CATSPERE: variants seen among roughly 807,000 people sequenced by gnomAD.
CATSPERE encodes the protein cation channel sperm-associated auxiliary subunit epsilon.
A neutral mutation model predicts 114.1 loss-of-function variants in CATSPERE; 93 were observed. The ratio of observed to expected loss-of-function variants is 0.81; its 90% CI spans 0.69 to 0.97. The LOEUF is 0.97. Among genes scored for constraint, CATSPERE ranks in the 50% least tolerant of loss-of-function variants. The pLI, the probability that CATSPERE is intolerant of heterozygous loss-of-function variation, is 0.00. For synonymous variants in CATSPERE, 341 were observed against 384.1 expected (o/e 0.89, Z 1.31); for missense variants, 1,058 against 1,131.6 (o/e 0.93, Z 0.93).
chr1:244,585,908 G>A (rs1341032836), intron 13 of CATSPERE, among the ~76,000 whole-genome samples: 1 of 152,202 alleles, frequency 6.6e-6, no homozygotes, highest in Non-Finnish European at 1.5e-5. Context: ...AAATCCTTCC[G>A]AGATGAACTT....
At chr1:244,612,065 A>G (rs1175224339) in intron 19 of CATSPERE, among the ~76,000 whole-genome samples, 2 of 152,202 alleles carry the variant, frequency 1.3e-5, no homozygotes, top group Non-Finnish European at 2.9e-5. Flanking sequence ...AGTAGCGTAC[A>G]GTCTAGAAAG....
intron 10 of CATSPERE, 128 bp downstream of exon 10, chr1:244,561,273 C>A (rs972622774): frequency 3.0e-6 from 2 of 669,286 alleles, no homozygotes; most frequent in Admixed American, 5.0e-5. Flanking sequence ...CTTCTTATCA[C>A]CTACAAATGA....
chr1:244,552,450 T>TACCTGAAATTCCTGGTTATTTACC lies in CATSPERE; in HGVS notation c.667_690dup (p.Pro223_Pro230dup). The TACCTGAAATTCCTGGTTATTTACC allele has an allele frequency of 6.2e-7, 1 of 1,614,224 alleles. No homozygotes were observed. The stretch of plus-strand genomic sequence containing the variant: ...CTGTTGACTTTTCCTTTGTTGACCA[T>TACCTGAAATTCCTGGTTATTTACC]ACCTGAAATTCCTGGTTATTTACCA... On this transcript the variant is annotated inframe_insertion, in exon 9 of 22. Coordinates refer to ENST00000366534, the MANE Select transcript of CATSPERE (RefSeq NM_001130957.2).
chr1:244,497,160 A>G (rs1273359441), intron 6 of CATSPERE, among the ~76,000 whole-genome samples: 1 of 152,232 alleles, frequency 6.6e-6, no homozygotes, highest in African/African-American at 2.4e-5. Flanking sequence ...TTCTCTTACA[A>G]CCTGGTAATT....
At chr1:244,553,620 C>CACACACACACACACACATATATACAT (rs1558484922) in intron 9 of CATSPERE, among the ~76,000 whole-genome samples, 39 of 139,194 alleles carry the variant, frequency 2.8e-4, no homozygotes, top group African/African-American at 1.0e-3. Context: ...CACACACACA[C>CACACACACACACACACATATATACAT]ACACACACAC....
intron 8 of CATSPERE, among the ~76,000 whole-genome samples, chr1:244,548,762 C>T (rs940194631): frequency 2.6e-5 from 4 of 152,174 alleles, no homozygotes; most frequent in Non-Finnish European, 4.4e-5. Context: ...ATACCTTGAA[C>T]GGCTGAGCAA....
chr1:244,592,414 T>C (rs1040448415), intron 15 of CATSPERE, among the ~76,000 whole-genome samples: 2 of 152,268 alleles, frequency 1.3e-5, no homozygotes, highest in African/African-American at 4.8e-5. Context: ...GATAAAGATC[T>C]TCATTTTTAA....
intron 11 of CATSPERE, 133 bp from the exon 12 acceptor site, chr1:244,581,663 C>T (rs775471608): frequency 1.8e-4 from 94 of 525,544 alleles, no homozygotes; most frequent in Non-Finnish European, 2.9e-4. Flanking sequence ...ATTACTTACA[C>T]GTGATGAACA....
intron 20 of CATSPERE, among the ~76,000 whole-genome samples, chr1:244,627,773 AC>A (rs1673397542): frequency 6.6e-6 from 1 of 152,198 alleles, no homozygotes; most frequent in African/African-American, 2.4e-5. Context: ...CTCCTTATCC[AC>A]AGTTTCGCTT....
intron 7 of CATSPERE, among the ~76,000 whole-genome samples, chr1:244,502,697 T>C (rs1380312968): frequency 1.3e-5 from 2 of 151,950 alleles, no homozygotes; most frequent in Non-Finnish European, 2.9e-5. Context: ...TTTTTGGAGG[T>C]GATGCCAGGA....
At chr1:244,492,054 A>G (rs1305335616) in intron 6 of CATSPERE, among the ~76,000 whole-genome samples, 1 of 152,224 alleles carries the variant, frequency 6.6e-6, no homozygotes, top group Non-Finnish European at 1.5e-5. Flanking sequence ...AAACTATTCC[A>G]ATCAATAGAA....
intron 19 of CATSPERE, 39 bp from the exon 20 acceptor site, chr1:244,617,489 TA>T: frequency 6.9e-7 from 1 of 1,440,120 alleles, no homozygotes. Flanking sequence ...ATCAAAGTCA[TA>T]AAATGACCTT....
chr1:244,609,424 C>T (rs890528560), intron 18 of CATSPERE, among the ~76,000 whole-genome samples: 2 of 151,280 alleles, frequency 1.3e-5, no homozygotes, highest in South Asian at 4.2e-4. Context: ...GATCTTGGCG[C>T]ACTGCAACCT....
chr1:244,451,936 C>T, upstream of CATSPERE: 4 of 1,116,690 alleles, frequency 3.6e-6, no homozygotes, highest in Non-Finnish European at 3.6e-6. The surrounding 1 kb of genome is among the most constrained non-coding windows in gnomAD (Gnocchi z 6.6). Flanking sequence ...GCCGGCCCCG[C>T]CCCCGCCCCG....
chr1:244,484,462 G>A (rs1670696901), intron 5 of CATSPERE, among the ~76,000 whole-genome samples: 1 of 152,228 alleles, frequency 6.6e-6, no homozygotes, highest in Non-Finnish European at 1.5e-5. Flanking sequence ...TGGTGGGAAT[G>A]CAAAGTGATA....
chr1:244,563,527 T>G (rs144519449), intron 10 of CATSPERE, among the ~76,000 whole-genome samples: 2,175 of 152,308 alleles, frequency 0.014, 60 homozygotes, highest in African/African-American at 0.045. Flanking sequence ...GATGATGAGC[T>G]TTTTTCCATG....
chr1:244,500,248 T>G (rs899962979), intron 7 of CATSPERE, among the ~76,000 whole-genome samples: 1 of 152,196 alleles, frequency 6.6e-6, no homozygotes, highest in Admixed American at 6.5e-5. Context: ...ATATTAGACT[T>G]TTGTCAGATG....
chr1:244,563,457 C>G (rs1161352824), intron 10 of CATSPERE, among the ~76,000 whole-genome samples: 1 of 152,212 alleles, frequency 6.6e-6, no homozygotes, highest in Non-Finnish European at 1.5e-5. Context: ...GATCACCATT[C>G]TAACTGACGT....
intron 20 of CATSPERE, among the ~76,000 whole-genome samples, chr1:244,621,318 A>ATT (rs1672350878): frequency 7.6e-4 from 3 of 3,968 alleles, no homozygotes; most frequent in African/African-American, 1.7e-3. Context: ...TATATAAAAT[A>ATT]TATATATATA....
Sources: allele counts gnomAD v4.1 joint callset (sites outside exome capture counted in the v4.1 genomes callset), GRCh38; gene constraint gnomAD v4.1.1; non-coding constraint Gnocchi (gnomAD v3.1); transcripts MANE v1.5; gene names NCBI Gene and HGNC (gene_info 2026-07-23, HGNC 2026-07-21).